Variants in MSH3 observed in about 807,000 individuals in gnomAD.
The protein encoded by MSH3 is mutS homolog 3.
A neutral mutation model predicts 123.3 loss-of-function variants in MSH3; 106 were observed. The ratio of observed to expected loss-of-function variants is 0.86; its 90% CI spans 0.73 to 1.01. MSH3 has a LOEUF of 1.01. Among genes scored for constraint, MSH3 ranks in the 50% least tolerant of loss-of-function variants. The probability of loss-of-function intolerance (pLI) is 0.00; values close to 1 mark genes in which losing one functional copy is unlikely to be tolerated. For missense variants in MSH3, 1,459 were observed against 1,347.6 expected (o/e 1.08, Z -1.29); for synonymous variants, 515 against 481.4 (o/e 1.07, Z -0.91).
intron 8 of MSH3, among the ~76,000 whole-genome samples, chr5:80,692,329 TAG>T (rs1345100521): frequency 4.0e-5 from 3 of 74,444 alleles, no homozygotes; most frequent in African/African-American, 6.8e-5. Context: ...TATGTTTAGA[TAG>T]ATAGATAAAC....
At chr5:80,825,973 T>C (rs1301025822) in intron 20 of MSH3, among the ~76,000 whole-genome samples, 5 of 152,234 alleles carry the variant, frequency 3.3e-5, no homozygotes, top group Non-Finnish European at 7.3e-5. Context: ...GCTTCCTCTT[T>C]AATTCCTTTT....
chr5:80,789,156 C>A (rs1411914735), intron 18 of MSH3, among the ~76,000 whole-genome samples: 1 of 152,106 alleles, frequency 6.6e-6, no homozygotes, highest in Non-Finnish European at 1.5e-5. Context: ...ATAATGATTT[C>A]ACTTGGCAGA....
At chr5:80,803,725 C>T (rs1219450086) in intron 19 of MSH3, among the ~76,000 whole-genome samples, 2 of 152,082 alleles carry the variant, frequency 1.3e-5, no homozygotes, top group Non-Finnish European at 2.9e-5. Context: ...AGATTTAAGT[C>T]TCTAATCCAT....
chr5:80,796,102 A>C (rs1279177211), intron 19 of MSH3, among the ~76,000 whole-genome samples: 1 of 152,172 alleles, frequency 6.6e-6, no homozygotes, highest in Non-Finnish European at 1.5e-5. Context: ...TAAGCAACTA[A>C]ATATTAGAAC....
chr5:80,841,611 A>G (rs1303385185), intron 20 of MSH3, among the ~76,000 whole-genome samples: 2 of 152,166 alleles, frequency 1.3e-5, no homozygotes, highest in Non-Finnish European at 2.9e-5. Flanking sequence ...CTGGAATGAG[A>G]TGGTATGTCA....
In MSH3 at chr5:80,735,458, C is replaced by T. The variant is rs1006580944; in HGVS notation, c.1569-6006C>T. 3.3e-5 allele frequency among the ~76,000 whole-genome samples: 5 copies of T among 150,616 alleles called. No individual in the cohort carries two copies. In the East Asian group the frequency reaches 9.8e-4, roughly 29 times the overall value. On this transcript the variant is annotated intron_variant, in intron 10 of 23. Coordinates refer to ENST00000265081, the MANE Select transcript of MSH3 (RefSeq NM_002439.5). ...TCCCAGCGCTTTGGGAGGTCAAGGCCTTCGGATTGCCTGAGATCAGGAGTC... is the reference window on the plus strand; with the variant it reads ...TCCCAGCGCTTTGGGAGGTCAAGGCTTTCGGATTGCCTGAGATCAGGAGTC...
At chr5:80,741,430 A>T in intron 10 of MSH3, 34 bp from the exon 11 acceptor site, 1 of 1,351,224 alleles carries the variant, frequency 7.4e-7, no homozygotes, top group Non-Finnish European at 1.1e-6. Flanking sequence ...TTATGCACTT[A>T]CATCTAGGCT....
intron 8 of MSH3, among the ~76,000 whole-genome samples, chr5:80,705,128 T>C (rs1434551913): frequency 6.6e-6 from 1 of 152,264 alleles, no homozygotes; most frequent in African/African-American, 2.4e-5. Context: ...CCTCCTGTTA[T>C]TCATTCAGCA....
At chr5:80,738,246 C>T (rs1394392465) in intron 10 of MSH3, among the ~76,000 whole-genome samples, 1 of 152,134 alleles carries the variant, frequency 6.6e-6, no homozygotes, top group African/African-American at 2.4e-5. Context: ...CCCCTGTATA[C>T]CAGGTAGTGG....
intron 12 of MSH3, among the ~76,000 whole-genome samples, chr5:80,748,853 G>T (rs1743774148): frequency 6.6e-6 from 1 of 151,738 alleles, no homozygotes; most frequent in South Asian, 2.1e-4. Context: ...CTCATTGGTG[G>T]GTTATGTGGG....
rs1749808185 is a variant in MSH3, at chr5:80,675,047, T to A, written c.1092T>A (p.Ser364=). The A allele has an allele frequency of 6.2e-7, 1 of 1,613,376 alleles. No homozygotes were observed. Among genetic ancestry groups the A allele is most frequent in the Non-Finnish European group, 8.5e-7 (1 of 1,179,530 alleles). ...TTGATGAGATAATGACTGATACTTC[T>A]ACCAGCTATCTTCTGTGCATCTCTG... is the stretch of plus-strand genomic sequence containing the variant. ...VNVDEIMTDT[S]TSYLLCISEN... is the part of the protein sequence containing the mutation. Residue 364 remains serine, a synonymous_variant, in exon 7 of 24, where the codon TCT becomes TCA. Transcript: ENST00000265081.
At chr5:80,711,776 C>T (rs1750863999) in intron 8 of MSH3, among the ~76,000 whole-genome samples, 1 of 151,766 alleles carries the variant, frequency 6.6e-6, no homozygotes, top group East Asian at 1.9e-4. Flanking sequence ...TGCCTTAGCC[C>T]CCTGAGTGGC....
chr5:80,682,322 G>C (rs1335806456), intron 8 of MSH3, among the ~76,000 whole-genome samples: 2 of 152,082 alleles, frequency 1.3e-5, no homozygotes, highest in African/African-American at 4.8e-5. Flanking sequence ...TACCTCATGG[G>C]GTTGTTGTGA....
At chr5:80,867,363 C>A (rs1746124454) in intron 22 of MSH3, among the ~76,000 whole-genome samples, 1 of 152,198 alleles carries the variant, frequency 6.6e-6, no homozygotes, top group Middle Eastern at 3.2e-3. Flanking sequence ...CAAGCATTTC[C>A]TGTTCACTCT....
chr5:80,851,447 T>C (rs537929882), intron 20 of MSH3, among the ~76,000 whole-genome samples: 5 of 152,300 alleles, frequency 3.3e-5, no homozygotes, highest in African/African-American at 1.2e-4. Flanking sequence ...TTTGGGTGTT[T>C]TCATGAGTTT....
At chr5:80,660,658 G>T (rs976652287) in intron 2 of MSH3, among the ~76,000 whole-genome samples, 2 of 152,000 alleles carry the variant, frequency 1.3e-5, no homozygotes, top group African/African-American at 4.8e-5. Flanking sequence ...GACATCAAAG[G>T]TTTTTTATTT....
intron 19 of MSH3, among the ~76,000 whole-genome samples, 194 bp downstream of exon 19, chr5:80,793,038 A>G (rs933309693): frequency 1.3e-5 from 2 of 152,266 alleles, no homozygotes; most frequent in African/African-American, 4.8e-5. Context: ...CAATAGGTTT[A>G]GTAACTAAAA....
intron 20 of MSH3, among the ~76,000 whole-genome samples, chr5:80,820,650 T>C (rs1413047231): frequency 1.3e-5 from 2 of 152,348 alleles, no homozygotes; most frequent in East Asian, 3.9e-4. Flanking sequence ...CCCCTTGTGA[T>C]TCAAACACCA....
At chr5:80,682,399 A>G (rs571940236) in intron 8 of MSH3, among the ~76,000 whole-genome samples, 2 of 152,126 alleles carry the variant, frequency 1.3e-5, no homozygotes, top group Admixed American at 6.5e-5. Context: ...TCTCTGTAAG[A>G]GGAAGTTTTT....
Sources: allele counts gnomAD v4.1 joint callset (sites outside exome capture counted in the v4.1 genomes callset), GRCh38; gene constraint gnomAD v4.1.1; transcripts MANE v1.5; gene names NCBI Gene and HGNC (gene_info 2026-07-23, HGNC 2026-07-21).